Variants in LMX1A observed in about 807,000 individuals in gnomAD.
The protein encoded by LMX1A is LIM homeobox transcription factor 1 alpha.
A neutral mutation model predicts 49.1 loss-of-function variants in LMX1A; 15 were observed. The ratio of observed to expected loss-of-function variants is 0.31; its 90% CI spans 0.20 to 0.47. The LOEUF is 0.47. Among genes scored for constraint, LMX1A ranks in the 20% least tolerant of loss-of-function variants. LMX1A has a pLI of 1.00. For missense variants in LMX1A, 372 were observed against 475.8 expected (o/e 0.78, Z 2.03); for synonymous variants, 167 against 185.7 (o/e 0.90, Z 0.82).
chr1:165,332,132 G>A (rs1000736828), intron 3 of LMX1A, among the ~76,000 whole-genome samples: 1 of 152,022 alleles, frequency 6.6e-6, no homozygotes, highest in African/African-American at 2.4e-5. Context: ...ACAATAATGT[G>A]AAGAGGTATA....
At chr1:165,213,534 C>A (rs77103889) in intron 5 of LMX1A, 107 bp downstream of exon 5, 6 of 1,028,452 alleles carry the variant, frequency 5.8e-6, no homozygotes, top group East Asian at 2.4e-5. Flanking sequence ...GTCTGAACAG[C>A]CTTCCTCACC....
At position 165,355,463 on chromosome 1, in the gene LMX1A, A is replaced by G; in HGVS notation, c.76+21T>C. 2 of 1,611,898 alleles carry G rather than the reference A, an allele frequency of 1.2e-6. No individual in the cohort carries two copies. Among genetic ancestry groups the G allele is most frequent in the Admixed American group, 1.7e-5 (1 of 59,952 alleles). ...CAAGCGGAAAGAGAGTGCGCCCAGG[A>G]CGCACGGCCTGAACACTCACCCAGC... On this transcript the variant is annotated intron_variant, in intron 2 of 8. Coordinates refer to ENST00000342310, the MANE Select transcript of LMX1A (RefSeq NM_177398.4). This position sits in a 1 kb window ranked among gnomAD's most constrained non-coding sequence, Gnocchi z 4.7.
chr1:165,328,119 G>C (rs1655641474), intron 3 of LMX1A, among the ~76,000 whole-genome samples: 1 of 152,226 alleles, frequency 6.6e-6, no homozygotes, highest in Non-Finnish European at 1.5e-5. Flanking sequence ...AAAGAAAATT[G>C]CATTAACAAA....
intron 4 of LMX1A, among the ~76,000 whole-genome samples, chr1:165,237,548 C>A (rs745901110): frequency 2.6e-4 from 40 of 152,086 alleles, no homozygotes; most frequent in Non-Finnish European, 5.3e-4. Context: ...ACACAATATG[C>A]AAATCCCTGA....
intron 3 of LMX1A, among the ~76,000 whole-genome samples, chr1:165,304,164 C>G (rs1654859866): frequency 6.6e-6 from 1 of 152,064 alleles, no homozygotes; most frequent in South Asian, 2.1e-4. Flanking sequence ...AGTTACTTAA[C>G]CTCTCCAGGC....
At chr1:165,246,865 A>C (rs982528761) in intron 4 of LMX1A, among the ~76,000 whole-genome samples, 1 of 152,156 alleles carries the variant, frequency 6.6e-6, no homozygotes, top group Admixed American at 6.5e-5. Flanking sequence ...AAGATATGTC[A>C]ACTGAATTAA....
chr1:165,250,168 A>T (rs1258163359), intron 3 of LMX1A, among the ~76,000 whole-genome samples: 1 of 152,110 alleles, frequency 6.6e-6, no homozygotes, highest in Non-Finnish European at 1.5e-5. Flanking sequence ...AGTGCAGCAA[A>T]CCATCATGGC....
intron 3 of LMX1A, among the ~76,000 whole-genome samples, chr1:165,259,249 T>C (rs1414333755): frequency 6.6e-6 from 1 of 152,114 alleles, no homozygotes; most frequent in East Asian, 1.9e-4. Flanking sequence ...GCCAAACACT[T>C]GAGAGGAAAC....
intron 3 of LMX1A, among the ~76,000 whole-genome samples, chr1:165,317,764 T>G (rs1324753093): frequency 1.3e-5 from 2 of 152,238 alleles, no homozygotes; most frequent in African/African-American, 4.8e-5. Flanking sequence ...TTGAGAGCTC[T>G]CACCGATCTC....
At chr1:165,204,218 A>G (rs1208258554) in intron 8 of LMX1A, among the ~76,000 whole-genome samples, 178 bp from the exon 9 acceptor site, 1 of 152,232 alleles carries the variant, frequency 6.6e-6, no homozygotes, top group East Asian at 1.9e-4. Context: ...AGTGAAAACA[A>G]TCTAAACCAG....
intron 3 of LMX1A, among the ~76,000 whole-genome samples, chr1:165,315,663 C>A (rs1242714218): frequency 6.6e-6 from 1 of 152,238 alleles, no homozygotes; most frequent in Non-Finnish European, 1.5e-5. Context: ...CAATCCCACA[C>A]TGTGTCTGAC....
At chr1:165,284,407 G>T (rs547947074) in intron 3 of LMX1A, among the ~76,000 whole-genome samples, 1 of 152,294 alleles carries the variant, frequency 6.6e-6, no homozygotes, top group African/African-American at 2.4e-5. Context: ...AGCTGACGAA[G>T]GACTGCTAAA....
intron 3 of LMX1A, among the ~76,000 whole-genome samples, chr1:165,335,801 A>AC (rs1553213591): frequency 6.6e-6 from 1 of 151,744 alleles, no homozygotes; most frequent in African/African-American, 2.4e-5. Context: ...CTTGTTCTTG[A>AC]TTTTTTTTCT....
At chr1:165,334,045 T>C (rs190851901) in intron 3 of LMX1A, among the ~76,000 whole-genome samples, 1 of 152,282 alleles carries the variant, frequency 6.6e-6, no homozygotes, top group East Asian at 1.9e-4. Context: ...TTAAACACAG[T>C]AACTGGCAAA....
chr1:165,296,097 T>C (rs1171678071), intron 3 of LMX1A, among the ~76,000 whole-genome samples: 2 of 152,332 alleles, frequency 1.3e-5, no homozygotes, highest in East Asian at 1.9e-4. Context: ...AAACTAGTTA[T>C]ATTTCCCAAC....
chr1:165,257,657 T>G (rs1653297194), intron 3 of LMX1A, among the ~76,000 whole-genome samples: 1 of 152,280 alleles, frequency 6.6e-6, no homozygotes, highest in Middle Eastern at 3.4e-3. Flanking sequence ...CTTGGGAGCC[T>G]GGCAAGTCAG....
intron 3 of LMX1A, among the ~76,000 whole-genome samples, chr1:165,326,924 G>C (rs1010821500): frequency 1.3e-5 from 2 of 152,182 alleles, no homozygotes; most frequent in African/African-American, 4.8e-5. Context: ...ACAATGTGCA[G>C]GGCAGCCCCC....
chr1:165,249,499 A>G lies in LMX1A; in HGVS notation c.405T>C (p.Phe135=). 1 of 1,614,178 alleles carries G rather than the reference A, an allele frequency of 6.2e-7. No individual in the cohort carries two copies. The change falls in exon 4 of 9, where the codon TTT becomes TTC. Residue 135 remains phenylalanine, a synonymous_variant. Coordinates refer to ENST00000342310, the MANE Select transcript of LMX1A (RefSeq NM_177398.4). ...AGAGCAGCTGCCCCTCCTTCAGGAC[A>G]AACTCATCACCCTTCTGAAGCTGTC... ...CERQLQKGDE[F]VLKEGQLLCK... is the part of the protein sequence containing the mutation.
At chr1:165,223,038 A>G (rs1857747) in intron 4 of LMX1A, among the ~76,000 whole-genome samples, 114,855 of 151,716 alleles carry the variant, frequency 0.76, 43,943 homozygotes, top group East Asian at 1. Flanking sequence ...GGGGTGGGGG[A>G]GTGATAAAAA....
Sources: allele counts gnomAD v4.1 joint callset (sites outside exome capture counted in the v4.1 genomes callset), GRCh38; gene constraint gnomAD v4.1.1; non-coding constraint Gnocchi (gnomAD v3.1); transcripts MANE v1.5; gene names NCBI Gene and HGNC (gene_info 2026-07-23, HGNC 2026-07-21).